PDE4D: variants seen among roughly 807,000 people sequenced by gnomAD.
PDE4D encodes phosphodiesterase 4D.
In PDE4D, 24 loss-of-function variants were observed where a neutral mutation model predicts 87.4. That is an observed-to-expected ratio of 0.27 (90% confidence interval 0.20 to 0.39). The LOEUF (loss-of-function observed/expected upper bound fraction) is 0.39, where lower values mean the gene tolerates loss of function less well. Ranked by LOEUF, PDE4D falls within the 10% of genes least tolerant of loss-of-function variation. The pLI is 1.00. For synonymous variants in PDE4D, 384 were observed against 383.2 expected (o/e 1.00, Z -0.02); for missense variants, 714 against 1,041.0 (o/e 0.69, Z 4.32).
chr5:60,487,822 T>C (rs1749275435), intron 1 of PDE4D: 1 of 152,378 alleles, frequency 6.6e-6, no homozygotes, highest in African/African-American at 2.4e-5. Context: ...TTGATACACA[T>C]AGTATAGCAC....
intron 1 of PDE4D, among the ~76,000 whole-genome samples, chr5:60,429,263 C>T (rs1743985905): frequency 6.6e-6 from 1 of 152,116 alleles, no homozygotes; most frequent in Admixed American, 6.5e-5. Flanking sequence ...TTTTTTGTGG[C>T]TATTGTGAAT....
At chr5:60,165,310 T>G (rs537897002) in intron 2 of PDE4D, among the ~76,000 whole-genome samples, 1 of 152,336 alleles carries the variant, frequency 6.6e-6, no homozygotes, top group South Asian at 2.1e-4. Context: ...AAAACTCAGT[T>G]GGCTACAAAT....
At chr5:60,023,617 C>T (rs934746589) in intron 2 of PDE4D, among the ~76,000 whole-genome samples, 4 of 152,150 alleles carry the variant, frequency 2.6e-5, no homozygotes, top group African/African-American at 9.7e-5. Flanking sequence ...CCCTTCTCTC[C>T]ACTCCTAAAA....
chr5:59,382,844 G>C (rs543838815), intron 1 of PDE4D, among the ~76,000 whole-genome samples: 35 of 152,194 alleles, frequency 2.3e-4, no homozygotes, highest in African/African-American at 8.2e-4. Flanking sequence ...CAGTATTTTC[G>C]CCTATAAAAT....
rs1000372790 is a variant in PDE4D at position 59,293,207 on chromosome 5, A to T, written c.456-77239T>A. Among the ~76,000 whole-genome samples the T allele has an allele frequency of 3.9e-5, 6 of 152,184 alleles. No individual in the cohort carries two copies. In the South Asian group the frequency reaches 1.2e-3, roughly 31 times the overall value. On this transcript the variant is annotated intron_variant, in intron 1 of 14. Coordinates refer to ENST00000340635, the MANE Select transcript of PDE4D (RefSeq NM_001104631.2). ...ATATATGAATGACCAAACTAAAGCA[A>T]TAATATGGCTTTCTTAAAAAATACA...
intron 1 of PDE4D, among the ~76,000 whole-genome samples, chr5:59,568,037 A>T (rs948838786): frequency 6.6e-6 from 1 of 152,176 alleles, no homozygotes; most frequent in Non-Finnish European, 1.5e-5. Context: ...TTTTAATACC[A>T]TTTTCCAATG....
At chr5:58,996,015 A>G (rs1749131244) in intron 6 of PDE4D, among the ~76,000 whole-genome samples, 1 of 152,184 alleles carries the variant, frequency 6.6e-6, no homozygotes. Context: ...GGAAACCATC[A>G]TTCTCAGCAA....
intron 1 of PDE4D, among the ~76,000 whole-genome samples, chr5:60,266,597 C>A (rs1034020186): frequency 1.4e-4 from 22 of 152,202 alleles, no homozygotes; most frequent in African/African-American, 5.3e-4. Context: ...ACTAGGCAAT[C>A]TCCAGGCTTC....
intron 2 of PDE4D, among the ~76,000 whole-genome samples, chr5:60,155,942 A>G (rs1781935589): frequency 6.6e-6 from 1 of 152,230 alleles, no homozygotes; most frequent in African/African-American, 2.4e-5. Flanking sequence ...GATGTTTCAC[A>G]GTCTCTTAAC....
At chr5:58,994,515 A>G (rs1235779484) in intron 6 of PDE4D, among the ~76,000 whole-genome samples, 1 of 152,202 alleles carries the variant, frequency 6.6e-6, no homozygotes, top group Non-Finnish European at 1.5e-5. Context: ...AAAAAGTCAG[A>G]TGCATTTACT....
At chr5:60,367,707 G>C (rs1430983568) in intron 1 of PDE4D, among the ~76,000 whole-genome samples, 3 of 152,060 alleles carry the variant, frequency 2.0e-5, no homozygotes, top group Non-Finnish European at 4.4e-5. Context: ...GGCTCAGTAT[G>C]CTTGTCATTA....
intron 11 of PDE4D, among the ~76,000 whole-genome samples, chr5:58,983,448 T>TTAGA (rs1287444951): frequency 6.6e-6 from 1 of 152,218 alleles, no homozygotes; most frequent in Non-Finnish European, 1.5e-5. Context: ...GCTTGGCGCG[T>TTAGA]TAGATAATAC....
chr5:59,781,964 GC>G (rs1424699457), intron 1 of PDE4D, among the ~76,000 whole-genome samples: 2 of 152,184 alleles, frequency 1.3e-5, no homozygotes, highest in Admixed American at 1.3e-4. Context: ...TCATACAGAT[GC>G]AATAAACAAA....
At chr5:59,067,687 T>C (rs529899757) in intron 5 of PDE4D, among the ~76,000 whole-genome samples, 7 of 152,214 alleles carry the variant, frequency 4.6e-5, no homozygotes, top group Non-Finnish European at 8.8e-5. Context: ...GCCTTATTTA[T>C]ATTAGAACTG....
At chr5:59,208,927 A>G (rs1368315490) in intron 2 of PDE4D, among the ~76,000 whole-genome samples, 1 of 152,186 alleles carries the variant, frequency 6.6e-6, no homozygotes, top group Non-Finnish European at 1.5e-5. Context: ...GCCTGCATCA[A>G]CACTCCGAAT....
intron 2 of PDE4D, among the ~76,000 whole-genome samples, chr5:60,127,347 T>G (rs568219397): frequency 1.3e-5 from 2 of 152,136 alleles, no homozygotes; most frequent in Admixed American, 6.6e-5. Context: ...GGGTGTGTGG[T>G]GAGTGATAAG....
chr5:59,960,659 A>C (rs1170660535), intron 3 of PDE4D, among the ~76,000 whole-genome samples: 2 of 152,140 alleles, frequency 1.3e-5, no homozygotes, highest in African/African-American at 4.8e-5. Flanking sequence ...TAAAATTTGC[A>C]TACACACATA....
At chr5:60,167,075 G>A (rs1352073834) in intron 2 of PDE4D, among the ~76,000 whole-genome samples, 1 of 151,976 alleles carries the variant, frequency 6.6e-6, no homozygotes, top group Non-Finnish European at 1.5e-5. Flanking sequence ...TTCCTGACCT[G>A]AATACTTATT....
At chr5:60,484,342 A>G (rs1478557387) in intron 1 of PDE4D, among the ~76,000 whole-genome samples, 1 of 152,120 alleles carries the variant, frequency 6.6e-6, no homozygotes, top group Non-Finnish European at 1.5e-5. Context: ...TTAGTGCTGT[A>G]TCTAAGTGGA....
Sources: gnomAD v4.1 joint callset for allele counts (sites outside exome capture counted in the v4.1 genomes callset) on GRCh38, gnomAD v4.1.1 for gene constraint, MANE v1.5 for transcripts, NCBI Gene and HGNC (gene_info 2026-07-23, HGNC 2026-07-21) for gene names.